The following SLC5A10 variants were observed in gnomAD, a reference collection of about 807,000 sequenced individuals.
SLC5A10 encodes the protein sodium/mannose cotransporter SLC5A10.
In SLC5A10, 55 loss-of-function variants were observed where a neutral mutation model predicts 68.9. The observed-to-expected ratio is 0.80, with a 90% confidence interval of 0.64 to 1.00. The LOEUF (loss-of-function observed/expected upper bound fraction) is 1.00, where lower values mean the gene tolerates loss of function less well. Ranked by LOEUF, SLC5A10 falls within the 50% of genes least tolerant of loss-of-function variation. The pLI is 0.00. For synonymous variants in SLC5A10, 344 were observed against 344.8 expected, an observed-to-expected ratio of 1.00 and a Z score of 0.02; for missense variants, 732 against 819.3, an observed-to-expected ratio of 0.89 and a Z score of 1.30.
chr17:18,969,233 C>G, intron 6 of SLC5A10, 76 bp downstream of exon 6: 1 of 1,577,942 alleles, frequency 6.3e-7, no homozygotes, highest in Non-Finnish European at 8.7e-7. Context: ...CCTACAGGCC[C>G]GAGGGAGCAG....
intron 9 of SLC5A10, among the ~76,000 whole-genome samples, chr17:18,992,066 A>G (rs1205455006): frequency 6.6e-6 from 1 of 152,154 alleles, no homozygotes; most frequent in East Asian, 1.9e-4. Flanking sequence ...GCCCCAGCCC[A>G]GGCCTCTCCC....
intron 5 of SLC5A10, among the ~76,000 whole-genome samples, chr17:18,965,047 G>A (rs772626690): frequency 6.6e-6 from 1 of 150,858 alleles, no homozygotes; most frequent in Non-Finnish European, 1.5e-5. Flanking sequence ...GGAAGGCTGA[G>A]GCAGGAAAAT....
Position 19,013,410 on chromosome 17 carries a change from A to G in SLC5A10, c.983A>G (p.Asp328Gly). ...PGMISRALFP[D>G]DVGCVVPSEC... is the part of the protein sequence containing the mutation. ...CACCAAGTGTCCGTCTCTCGAACAG[A>G]TGATGTGGGCTGCGTGGTGCCGTCC... The change falls in exon 10 of 15, where the codon GAT (aspartate) becomes GGT (glycine). Residue 328 changes from aspartate to glycine, a missense_variant and splice_region_variant. Physicochemically the swap from Asp to Gly is moderately conservative, Grantham distance 94. Coordinates refer to ENST00000395645, the MANE Select transcript of SLC5A10 (RefSeq NM_001042450.4). 6.2e-7 allele frequency: 1 copy of G among 1,606,918 alleles called. No homozygotes were observed. Among genetic ancestry groups the G allele is most frequent in the Non-Finnish European group, 8.5e-7 (1 of 1,176,458 alleles).
rs780297479 is a variant in SLC5A10 at position 19,019,886 on chromosome 17, G to A, written c.1584G>A (p.Val528=). The change falls in exon 13 of 15, where the codon GTG becomes GTA. Residue 528 remains valine (V), a synonymous_variant. Coordinates refer to ENST00000395645, the MANE Select transcript of SLC5A10 (RefSeq NM_001042450.4). ...TCTTTGCACTCAGTGGTGCTGTTGT[G>A]GTGGCTGGAAGCCTGCTGACCCCAC... is the stretch of plus-strand genomic sequence containing the variant. ...VALFALSGAV[V]VAGSLLTPPP... 1.9e-6 allele frequency: 3 copies of A among 1,611,972 alleles called. No individual in the cohort carries two copies. Among genetic ancestry groups the A allele is most frequent in the Non-Finnish European group, 2.5e-6 (3 of 1,179,548 alleles).
chr17:18,962,691 C>T (rs1001544415), intron 5 of SLC5A10, among the ~76,000 whole-genome samples: 1 of 151,930 alleles, frequency 6.6e-6, no homozygotes, highest in Admixed American at 6.6e-5. Flanking sequence ...GTGACATGGT[C>T]GTGTTTGTAC....
chr17:19,008,585 C>T (rs1411675819), intron 9 of SLC5A10, among the ~76,000 whole-genome samples: 23 of 151,726 alleles, frequency 1.5e-4, no homozygotes, highest in Admixed American at 3.3e-4. Flanking sequence ...CTGCAAGCTC[C>T]GCCTCCTGGG....
chr17:18,992,803 C>T (rs900153835), intron 9 of SLC5A10, among the ~76,000 whole-genome samples: 5 of 152,188 alleles, frequency 3.3e-5, no homozygotes, highest in East Asian at 1.9e-4. Flanking sequence ...TGCCTGGTGC[C>T]GGGCAGGGCC....
intron 1 of SLC5A10, among the ~76,000 whole-genome samples, chr17:18,954,391 T>A (rs2042444538): frequency 6.6e-6 from 1 of 152,146 alleles, no homozygotes; most frequent in Non-Finnish European, 1.5e-5. Flanking sequence ...ATGACCCACC[T>A]CTCCTAGTGA....
Position 19,015,040 on chromosome 17 carries a change from C to T in SLC5A10, c.1091-9C>T. The T allele has an allele frequency of 1.2e-6, 2 of 1,611,314 alleles. No individual in the cohort carries two copies. The highest frequency in any genetic ancestry group is 1.7e-6 in the Non-Finnish European group (2 of 1,177,952). ...CGGACAGGGTCACACATCCCCCGTC[C>T]CACCCCAGGTCTGCGGGGGCTGATG... On this transcript the variant is annotated splice_polypyrimidine_tract_variant and intron_variant, in intron 10 of 14. Transcript: ENST00000395645.
rs2042614530 is a variant in SLC5A10 at position 18,961,592 on chromosome 17, T to G, written c.453+940T>G. Reference sequence around the variant, plus strand: ...AAATGGCCTCCTGGGCCCTCTTCATTCAGTCCTGGGACTAGGAAAGCCCAG... The same window carrying G: ...AAATGGCCTCCTGGGCCCTCTTCATGCAGTCCTGGGACTAGGAAAGCCCAG... On this transcript the variant is annotated intron_variant, in intron 5 of 14. Coordinates refer to ENST00000395645, the MANE Select transcript of SLC5A10 (RefSeq NM_001042450.4). Among the ~76,000 whole-genome samples the G allele has an allele frequency of 2.0e-5, 3 of 152,158 alleles. No homozygotes were observed. The South Asian group carries it at 6.2e-4, about 32-fold the overall frequency.
In SLC5A10 at chr17:19,003,810, A is replaced by T. The variant is rs1421044730; in HGVS notation, c.983-9600A>T. ...GGGCCCGTGCCCCGAGGGTCCTCAG[A>T]GCCCGGGTCGTACACCTCGATGGTC... On this transcript the variant is annotated intron_variant, in intron 9 of 14. Coordinates refer to ENST00000395645, the MANE Select transcript of SLC5A10 (RefSeq NM_001042450.4). This position sits in a 1 kb window ranked among gnomAD's most constrained non-coding sequence, Gnocchi z 4.5. 1 of 1,612,676 alleles carries T rather than the reference A, an allele frequency of 6.2e-7. No individual in the cohort carries two copies. The highest frequency in any genetic ancestry group is 1.3e-5 in the African/African-American group (1 of 74,968).
At chr17:18,958,592 C>A in intron 1 of SLC5A10, 90 bp from the exon 2 acceptor site, 1 of 1,096,338 alleles carries the variant, frequency 9.1e-7, no homozygotes, top group Non-Finnish European at 1.4e-6. Flanking sequence ...CTATGCGTAA[C>A]CTTTTGAGGA....
In SLC5A10 at chr17:19,000,072, C is replaced by T. The variant is rs2043690809; in HGVS notation, c.983-13338C>T. Among the ~76,000 whole-genome samples the T allele has an allele frequency of 6.6e-6, 1 of 152,232 alleles. No individual in the cohort carries two copies. The highest frequency in any genetic ancestry group is 2.1e-4 in the South Asian group (1 of 4,836). ...GCTGCAGCCAAGTGAGGCCGGGGCTCGCCCCTCCCAGGCGTGATCTTACAA... is the reference window on the plus strand; with the variant it reads ...GCTGCAGCCAAGTGAGGCCGGGGCTTGCCCCTCCCAGGCGTGATCTTACAA... On this transcript the variant is annotated intron_variant, in intron 9 of 14. Transcript: ENST00000395645. The surrounding 1 kb of genome is among the most constrained non-coding windows in gnomAD (Gnocchi z 5.2).
chr17:19,001,030 G>T (rs1289102829), intron 9 of SLC5A10, among the ~76,000 whole-genome samples: 2 of 152,190 alleles, frequency 1.3e-5, no homozygotes, highest in East Asian at 3.8e-4. Context: ...GGGAAACACA[G>T]GCCTGGTCCC....
chr17:18,986,880 C>T (rs931408939), intron 9 of SLC5A10, among the ~76,000 whole-genome samples: 2 of 152,244 alleles, frequency 1.3e-5, no homozygotes, highest in African/African-American at 2.4e-5. Flanking sequence ...CCTTTCCACA[C>T]TGGCTCTCTC....
intron 9 of SLC5A10, 51 bp downstream of exon 9, chr17:18,977,040 T>C: frequency 6.2e-7 from 1 of 1,601,016 alleles, no homozygotes; most frequent in South Asian, 1.1e-5. Flanking sequence ...CCCAGGGTTC[T>C]GGGACCTTGT....
chr17:19,013,999 G>C (rs1265925502), intron 10 of SLC5A10, among the ~76,000 whole-genome samples: 1 of 152,136 alleles, frequency 6.6e-6, no homozygotes, highest in Non-Finnish European at 1.5e-5. Flanking sequence ...CTTTCCTTTG[G>C]GCTCCATCCC....
rs764407882 is a variant in SLC5A10 at position 18,971,088 on chromosome 17, A to T, written c.716A>T (p.Asn239Ile). The T allele has an allele frequency of 1.2e-6, 2 of 1,614,076 alleles. No individual in the cohort carries two copies. The highest frequency in any genetic ancestry group is 1.7e-6 in the Non-Finnish European group (2 of 1,180,028). The change falls in exon 8 of 15, where the codon AAC (asparagine) becomes ATC (isoleucine). Residue 239 changes from asparagine (N) to isoleucine (I), a missense_variant. Physicochemically the swap from Asn to Ile is moderately radical, Grantham distance 149. Coordinates refer to ENST00000395645, the MANE Select transcript of SLC5A10 (RefSeq NM_001042450.4). The surrounding 1 kb of genome is among the most constrained non-coding windows in gnomAD (Gnocchi z 5.5). Reference sequence around the variant, plus strand: ...GCCATTCCCTCCAGGACCATTGCCAACACCACCTGCCACCTGCCACGTACA... The same window carrying T: ...GCCATTCCCTCCAGGACCATTGCCATCACCACCTGCCACCTGCCACGTACA... ...AQAIPSRTIANTTCHLPRTDA... is the reference protein window; with the variant it reads ...AQAIPSRTIAITTCHLPRTDA...
chr17:18,979,702 C>G (rs2152011414), intron 9 of SLC5A10: 1 of 1,611,996 alleles, frequency 6.2e-7, no homozygotes, highest in East Asian at 2.2e-5. Flanking sequence ...GACAGAATTA[C>G]ACGACTGCAA....
Sources: allele counts gnomAD v4.1 joint callset (sites outside exome capture counted in the v4.1 genomes callset), GRCh38; gene constraint gnomAD v4.1.1; non-coding constraint Gnocchi (gnomAD v3.1); transcripts MANE v1.5; gene names NCBI Gene and HGNC (gene_info 2026-07-23, HGNC 2026-07-21).